The following HOOK3 variants were observed in gnomAD, a reference collection of about 807,000 sequenced individuals.
HOOK3 encodes protein Hook homolog 3.
Under a neutral mutation model 116.3 loss-of-function variants are expected in HOOK3, and 24 were observed. The ratio of observed to expected loss-of-function variants is 0.21; its 90% CI spans 0.15 to 0.29. The LOEUF (loss-of-function observed/expected upper bound fraction) is 0.29. HOOK3 is among the 10% of genes least tolerant of loss of function. HOOK3 has a pLI of 1.00. For synonymous variants in HOOK3, 275 were observed against 283.0 expected (o/e 0.97, Z 0.28); for missense variants, 632 against 830.2 (o/e 0.76, Z 2.93).
intron 8 of HOOK3, among the ~76,000 whole-genome samples, chr8:42,963,496 G>C (rs747082897): frequency 2.6e-5 from 4 of 152,220 alleles, no homozygotes; most frequent in Non-Finnish European, 5.9e-5. Flanking sequence ...GTCTTCGTGT[G>C]GGCGTATGCT....
At chr8:42,949,677 T>C (rs960479779) in intron 5 of HOOK3, among the ~76,000 whole-genome samples, 6 of 152,188 alleles carry the variant, frequency 3.9e-5, no homozygotes, top group Admixed American at 3.9e-4. Context: ...CCCAGCACTT[T>C]GGGAGGCCGA....
chr8:42,976,040 A>ATATATG (rs146604728), intron 13 of HOOK3, among the ~76,000 whole-genome samples: 1 of 148,732 alleles, frequency 6.7e-6, no homozygotes, highest in African/African-American at 2.5e-5. Context: ...GTATATATAT[A>ATATATG]TGTGTGTGTG....
chr8:42,908,092 A>T (rs1442625657), intron 2 of HOOK3, among the ~76,000 whole-genome samples: 4 of 152,206 alleles, frequency 2.6e-5, no homozygotes, highest in Non-Finnish European at 5.9e-5. Context: ...GTAAAATAAA[A>T]TACGTAGGAA....
chr8:42,944,142 C>T (rs1244143427), intron 5 of HOOK3, among the ~76,000 whole-genome samples: 2 of 151,982 alleles, frequency 1.3e-5, no homozygotes, highest in Admixed American at 6.6e-5. Context: ...AGGCTGGGTA[C>T]GGTGGCTCAT....
rs1806991748 is a variant in HOOK3 at position 42,897,016 on chromosome 8, A to C, written c.-116A>C. On this transcript the variant is annotated 5_prime_UTR_variant, in exon 1 of 22. Coordinates refer to ENST00000307602, the MANE Select transcript of HOOK3 (RefSeq NM_032410.4). ...GCGCTGGGCGAGAGTCGGCGGCCGG[A>C]TCCGAGGAGCAGGCGGGCCTGAGGC... is the stretch of plus-strand genomic sequence containing the variant. 7 of 707,492 alleles carry C rather than the reference A, an allele frequency of 9.9e-6. No homozygotes were observed. The South Asian group carries it at 5.0e-4, about 51-fold the overall frequency. 43.8% of individuals were successfully genotyped at this position (707,492 alleles called of 1,614,324 possible). A position where few individuals can be genotyped will look rare whatever the true frequency, so the allele number is the denominator to read the frequency against.
intron 2 of HOOK3, 27 bp from the exon 3 acceptor site, chr8:42,925,530 A>G (rs763289021): frequency 1.4e-6 from 2 of 1,479,318 alleles, no homozygotes; most frequent in Non-Finnish European, 9.3e-7. Context: ...CATGATTTTA[A>G]TATGTAAGCT....
intron 1 of HOOK3, among the ~76,000 whole-genome samples, chr8:42,901,332 T>A (rs1199642458): frequency 6.6e-6 from 1 of 152,232 alleles, no homozygotes; most frequent in Non-Finnish European, 1.5e-5. Flanking sequence ...TCAGTTTTAT[T>A]GTACTGCTAT....
At chr8:42,942,665 A>G (rs1206527042) in intron 4 of HOOK3, among the ~76,000 whole-genome samples, 1 of 151,734 alleles carries the variant, frequency 6.6e-6, no homozygotes, top group East Asian at 1.9e-4. Context: ...AATGTTGGAG[A>G]CTTCTCAAAT....
chr8:42,936,935 C>G (rs868106687), intron 4 of HOOK3, among the ~76,000 whole-genome samples: 1 of 152,044 alleles, frequency 6.6e-6, no homozygotes, highest in East Asian at 1.9e-4. Context: ...ACCTCTTTTT[C>G]TGTTGTTTGG....
At chr8:42,997,010 G>C (rs758875315) in intron 15 of HOOK3, among the ~76,000 whole-genome samples, 1 of 146,756 alleles carries the variant, frequency 6.8e-6, no homozygotes, top group Non-Finnish European at 1.5e-5. Flanking sequence ...GGGCTCAAGC[G>C]ATCCTCCTAC....
intron 17 of HOOK3, among the ~76,000 whole-genome samples, chr8:43,004,423 G>A (rs1315842647): frequency 6.7e-6 from 1 of 149,968 alleles, no homozygotes; most frequent in Non-Finnish European, 1.5e-5. Context: ...GCTCACACCT[G>A]TAATCCCAGC....
At chr8:42,987,981 C>T (rs972899994) in intron 15 of HOOK3, among the ~76,000 whole-genome samples, 3 of 152,122 alleles carry the variant, frequency 2.0e-5, no homozygotes, top group Admixed American at 1.3e-4. Flanking sequence ...TGGCTTCTCC[C>T]AGTTGGAGGT....
chr8:42,992,010 T>C (rs573327607), intron 15 of HOOK3, among the ~76,000 whole-genome samples: 1 of 152,336 alleles, frequency 6.6e-6, no homozygotes, highest in African/African-American at 2.4e-5. Context: ...CATTCACTTC[T>C]TTGCTTAATT....
rs1808058241 is a variant in HOOK3, at chr8:42,939,597, C to CT, written c.268-3716_268-3715insT. Among the ~76,000 whole-genome samples the CT allele has an allele frequency of 4.2e-5, 6 of 144,412 alleles. No homozygotes were observed. In the South Asian group the frequency reaches 1.3e-3, roughly 31 times the overall value. 94.7% of individuals were successfully genotyped at this position (144,412 alleles called of 152,430 possible). ...CTGACCCCCCCACCTCCCTCCCGGA[C>CT]GGGCTGGCTGGCCGGGCGGGGGGCT... On this transcript the variant is annotated intron_variant, in intron 4 of 21. Transcript: ENST00000307602.
intron 1 of HOOK3, among the ~76,000 whole-genome samples, chr8:42,900,691 T>C (rs928817624): frequency 1.3e-5 from 2 of 152,254 alleles, no homozygotes; most frequent in Non-Finnish European, 1.5e-5. Context: ...ATACAGGTTC[T>C]GACATTAGGC....
At chr8:42,953,533 C>T (rs928573302) in intron 6 of HOOK3, among the ~76,000 whole-genome samples, 5 of 150,960 alleles carry the variant, frequency 3.3e-5, no homozygotes, top group African/African-American at 1.2e-4. Flanking sequence ...CACTGCACTC[C>T]AGCCTGGGTG....
rs868698549 is a variant in HOOK3, at chr8:43,026,703, G to A, written c.*8205G>A. The A allele has an allele frequency of 8.1e-5, 18 of 222,488 alleles. No individual in the cohort carries two copies. Among genetic ancestry groups the A allele is most frequent in the Admixed American group, 1.1e-4 (2 of 17,414 alleles). 13.8% of individuals were successfully genotyped at this position (222,488 alleles called of 1,614,324 possible). A position where few individuals can be genotyped will look rare whatever the true frequency, so the allele number is the denominator to read the frequency against. Reference sequence around the variant, plus strand: ...TGCCCCTAACTTCAGCAGTGCCTCCGTCACTGCATGTACCTAAAAGACAGG... The same window carrying A: ...TGCCCCTAACTTCAGCAGTGCCTCCATCACTGCATGTACCTAAAAGACAGG... On this transcript the variant is annotated 3_prime_UTR_variant, in exon 22 of 22. Transcript: ENST00000307602.
At chr8:42,980,651 G>A (rs1168136427) in intron 13 of HOOK3, among the ~76,000 whole-genome samples, 2 of 152,138 alleles carry the variant, frequency 1.3e-5, no homozygotes, top group Non-Finnish European at 1.5e-5. Context: ...CACTTTGAAA[G>A]TCCCAAGGCG....
chr8:42,944,726 G>A (rs1465391765), intron 5 of HOOK3, among the ~76,000 whole-genome samples: 1 of 149,318 alleles, frequency 6.7e-6, no homozygotes, highest in Non-Finnish European at 1.5e-5. Context: ...GGCTGAGGCA[G>A]GAGAATCACT....
Sources: gnomAD v4.1 joint callset for allele counts (sites outside exome capture counted in the v4.1 genomes callset) on GRCh38, gnomAD v4.1.1 for gene constraint, MANE v1.5 for transcripts, NCBI Gene and HGNC (gene_info 2026-07-23, HGNC 2026-07-21) for gene names.